The following KIF6 variants were observed in gnomAD, a reference collection of about 807,000 sequenced individuals.
The protein encoded by KIF6 is kinesin-like protein KIF6.
A neutral mutation model predicts 112.7 loss-of-function variants in KIF6; 106 were observed. The ratio of observed to expected loss-of-function variants is 0.94; its 90% CI spans 0.80 to 1.11. KIF6 has a LOEUF of 1.11. KIF6 is among the 50% of genes least tolerant of loss of function. The pLI is 0.00. For synonymous variants in KIF6, 339 were observed against 339.9 expected (o/e 1.00, Z 0.03); for missense variants, 929 against 964.0 (o/e 0.96, Z 0.48).
intron 13 of KIF6, among the ~76,000 whole-genome samples, chr6:39,450,860 C>G (rs1189471420): frequency 6.6e-6 from 1 of 152,146 alleles, no homozygotes; most frequent in Non-Finnish European, 1.5e-5. Flanking sequence ...CTCTACTTTC[C>G]TTCCAGTTTT....
chr6:39,477,343 T>C (rs1173266991), intron 13 of KIF6, among the ~76,000 whole-genome samples: 1 of 152,214 alleles, frequency 6.6e-6, no homozygotes, highest in Non-Finnish European at 1.5e-5. Flanking sequence ...GATTTTGATG[T>C]AGTGAGCCTA....
chr6:39,380,634 A>G (rs1766853114), intron 16 of KIF6, among the ~76,000 whole-genome samples: 1 of 150,650 alleles, frequency 6.6e-6, no homozygotes, highest in Admixed American at 6.6e-5. Context: ...TTTAACAGCC[A>G]CTCTTTGGAA....
At chr6:39,557,411 G>A (rs1482946566) in intron 10 of KIF6, among the ~76,000 whole-genome samples, 2 of 152,078 alleles carry the variant, frequency 1.3e-5, no homozygotes, top group African/African-American at 4.8e-5. Context: ...AAACTTAAGT[G>A]TTTAAAAGAA....
chr6:39,544,829 C>T (rs965378516), intron 11 of KIF6, 136 bp from the exon 12 acceptor site: 11 of 462,132 alleles, frequency 2.4e-5, no homozygotes, highest in South Asian at 5.9e-5. Flanking sequence ...GATGTCTTTG[C>T]GATGCAGTTG....
intron 13 of KIF6, among the ~76,000 whole-genome samples, chr6:39,484,373 T>C (rs114759547): frequency 0.028 from 4,280 of 152,126 alleles, 205 homozygotes; most frequent in African/African-American, 0.097. Context: ...TCAGTGACCA[T>C]GAAGATGTAA....
chr6:39,708,870 A>C (rs547124091), intron 3 of KIF6, among the ~76,000 whole-genome samples: 200 of 151,778 alleles, frequency 1.3e-3, no homozygotes, highest in African/African-American at 4.4e-3. Context: ...GATGCACTTC[A>C]GTTTGAGAAG....
intron 13 of KIF6, among the ~76,000 whole-genome samples, chr6:39,436,102 C>A (rs1433768822): frequency 6.6e-6 from 1 of 152,074 alleles, no homozygotes; most frequent in Non-Finnish European, 1.5e-5. Flanking sequence ...ATTTGCATTT[C>A]CCTGATAATT....
chr6:39,564,977 T>C (rs1320274336), intron 10 of KIF6, among the ~76,000 whole-genome samples: 2 of 152,212 alleles, frequency 1.3e-5, no homozygotes, highest in African/African-American at 2.4e-5. Context: ...ATGAAAACTT[T>C]GGATTTTTCT....
intron 17 of KIF6, 76 bp downstream of exon 17, chr6:39,362,358 C>A: frequency 9.1e-7 from 1 of 1,096,272 alleles, no homozygotes; most frequent in Non-Finnish European, 1.4e-6. Context: ...GTAGCTGCAG[C>A]CCTGGGAAGC....
intron 6 of KIF6, 47 bp downstream of exon 6, chr6:39,613,142 G>T: frequency 2.1e-6 from 3 of 1,411,164 alleles, no homozygotes; most frequent in Admixed American, 2.6e-5. Context: ...TTCAGATACT[G>T]TATCTTATAA....
In KIF6 at chr6:39,332,436, T is replaced by C. The variant is rs1379397388; in HGVS notation, c.*4096A>G. 1 of 152,244 alleles carries C rather than the reference T, an allele frequency of 6.6e-6. No homozygotes were observed. Among genetic ancestry groups the C allele is most frequent in the Non-Finnish European group, 1.5e-5 (1 of 68,038 alleles). 9.4% of individuals were successfully genotyped at this position (152,244 alleles called of 1,614,324 possible). On this transcript the variant is annotated 3_prime_UTR_variant, in exon 23 of 23. Transcript: ENST00000287152. ...TTGTTTTGGGACTCATTGAAGTTAC[T>C]TGGAAACTTACTGGAAACAATTTGA...
In KIF6 at chr6:39,590,576, C is replaced by T. The variant is rs7739685; in HGVS notation, c.847-4172G>A. 4.0e-3 allele frequency among the ~76,000 whole-genome samples: 604 copies of T among 151,440 alleles called. 5 individuals are homozygous for T. The highest frequency in any genetic ancestry group is 0.014 in the African/African-American group (573 of 41,256). On this transcript the variant is annotated intron_variant, in intron 7 of 22. Transcript: ENST00000287152. ...AAGCGATTCGCCAGCCTCAGCCTCC[C>T]GAGTAGCTGGGATTATAGGCATGCA...
At chr6:39,703,072 C>A (rs1788966008) in intron 3 of KIF6, among the ~76,000 whole-genome samples, 1 of 32,118 alleles carries the variant, frequency 3.1e-5, no homozygotes, top group African/African-American at 6.1e-5. Flanking sequence ...ACAAAATCCA[C>A]CAACCCCCCA....
chr6:39,544,713 C>T lies in KIF6; in HGVS notation c.1288-20G>A, dbSNP rs1778975654. 1.4e-6 allele frequency: 2 copies of T among 1,470,350 alleles called. No individual in the cohort carries two copies. The highest frequency in any genetic ancestry group is 1.3e-5 in the South Asian group (1 of 79,770). The allele number at this position is 1,470,350 out of a possible 1,614,324, so 91.1% of individuals were successfully genotyped here. ...TAGTTTCTGTAAGATAAAATAAGAG[C>T]TTAGTACCCATATCTCTAGTCCAAA... On this transcript the variant is annotated intron_variant, in intron 11 of 22. Transcript: ENST00000287152.
At chr6:39,497,064 C>T (rs541693654) in intron 13 of KIF6, among the ~76,000 whole-genome samples, 1 of 152,344 alleles carries the variant, frequency 6.6e-6, no homozygotes, top group Non-Finnish European at 1.5e-5. Context: ...TGGCCATGTG[C>T]AGCTCCTCTG....
intron 10 of KIF6, among the ~76,000 whole-genome samples, chr6:39,549,471 G>C (rs185482542): frequency 6.6e-6 from 1 of 152,116 alleles, no homozygotes; most frequent in African/African-American, 2.4e-5. Flanking sequence ...GAGATATTAC[G>C]TATCTTGTCC....
intron 14 of KIF6, among the ~76,000 whole-genome samples, chr6:39,427,088 T>C (rs1230748811): frequency 6.6e-6 from 1 of 152,120 alleles, no homozygotes; most frequent in Non-Finnish European, 1.5e-5. Flanking sequence ...TGGGTCCTGG[T>C]TGCTGAGGTC....
At chr6:39,416,667 A>G (rs185285941) in intron 15 of KIF6, among the ~76,000 whole-genome samples, 2 of 152,336 alleles carry the variant, frequency 1.3e-5, no homozygotes, top group East Asian at 3.9e-4. Flanking sequence ...CAGACTGATT[A>G]TGCCATATAA....
At chr6:39,567,597 C>T (rs1294612501) in intron 10 of KIF6, among the ~76,000 whole-genome samples, 1 of 151,222 alleles carries the variant, frequency 6.6e-6, no homozygotes, top group Non-Finnish European at 1.5e-5. Flanking sequence ...AAATCAATGA[C>T]ACAGAAGTGA....
Sources: gnomAD v4.1 joint callset for allele counts (sites outside exome capture counted in the v4.1 genomes callset) on GRCh38, gnomAD v4.1.1 for gene constraint, MANE v1.5 for transcripts, NCBI Gene and HGNC (gene_info 2026-07-23, HGNC 2026-07-21) for gene names.